The following DIDO1 variants were observed in gnomAD, a reference collection of about 807,000 sequenced individuals.
DIDO1 encodes the protein death inducer-obliterator 1.
Under a neutral mutation model 99.4 loss-of-function variants are expected in DIDO1, and 16 were observed. The observed-to-expected ratio is 0.16, with a 90% confidence interval of 0.11 to 0.24. The LOEUF is 0.24. DIDO1 is among the 10% of genes least tolerant of loss of function. The pLI, the probability that DIDO1 is intolerant of heterozygous loss-of-function variation, is 1.00. For synonymous variants in DIDO1, 1,366 were observed against 1,239.1 expected (o/e 1.10, Z -2.15); for missense variants, 2,996 against 3,014.0 (o/e 0.99, Z 0.14).
chr20:62,895,345 G>A (rs763667535), intron 8 of DIDO1, among the ~76,000 whole-genome samples, 180 bp from the exon 9 acceptor site: 15 of 152,186 alleles, frequency 9.9e-5, no homozygotes, highest in African/African-American at 1.9e-4. Flanking sequence ...CTCCCCAAAC[G>A]GCCTTATGAG....
intron 1 of DIDO1, among the ~76,000 whole-genome samples, chr20:62,920,046 G>A (rs776561758): frequency 1.3e-5 from 2 of 152,092 alleles, no homozygotes; most frequent in Non-Finnish European, 2.9e-5. Flanking sequence ...CTTAAGATAC[G>A]GTCCCAATTC....
chr20:62,899,537 G>A (rs1011980944), intron 6 of DIDO1, among the ~76,000 whole-genome samples: 1 of 152,242 alleles, frequency 6.6e-6, no homozygotes, highest in Admixed American at 6.5e-5. Context: ...TGAGAGATGA[G>A]TTTTAGGGCA....
In DIDO1 at chr20:62,881,816, C is replaced by G. The variant is rs146732987; in HGVS notation, c.4140G>C (p.Glu1380Asp). The G allele has an allele frequency of 3.7e-6, 6 of 1,613,508 alleles. No individual in the cohort carries two copies. The highest frequency in any genetic ancestry group is 1.3e-5 in the African/African-American group (1 of 75,030). The part of the protein sequence containing the change: ...FSKDKALEEE[E>D]DDRPYDPEEE... ...CCTCAGGGTCGTATGGCCTGTCGTC[C>G]TCCTCTTCCTCTAGAGCCTTATCTT... The change falls in exon 16 of 16, where the codon GAG becomes GAC. Residue 1380 changes from glutamate to aspartate, a missense_variant. This residue lies in a region of DIDO1 where 1,562 missense variants were observed against 1,412.6 expected (regional missense o/e 1.11). Coordinates refer to ENST00000395343, the MANE Select transcript of DIDO1 (RefSeq NM_001193369.2). The surrounding 1 kb of genome is among the most constrained non-coding windows in gnomAD (Gnocchi z 8.3).
At chr20:62,902,168 C>A (rs2064697692) in intron 6 of DIDO1, among the ~76,000 whole-genome samples, 2 of 152,210 alleles carry the variant, frequency 1.3e-5, no homozygotes, top group African/African-American at 4.8e-5. Flanking sequence ...TGATGTGGGA[C>A]TTCACCGTGC....
At chr20:62,923,734 A>G (rs930591784) in intron 1 of DIDO1, among the ~76,000 whole-genome samples, 5 of 152,188 alleles carry the variant, frequency 3.3e-5, no homozygotes, top group African/African-American at 1.2e-4. Flanking sequence ...AGGTATCTTC[A>G]TTTTGGAAAA....
intron 6 of DIDO1, among the ~76,000 whole-genome samples, chr20:62,900,997 T>C (rs1600964930): frequency 6.6e-6 from 1 of 152,248 alleles, no homozygotes; most frequent in Non-Finnish European, 1.5e-5. Flanking sequence ...CACTCCAAGA[T>C]TGCCCCTAGT....
chr20:62,894,738 T>G lies in DIDO1; in HGVS notation c.2436+72A>C. 6.6e-7 allele frequency: 1 copy of G among 1,519,700 alleles called. No homozygotes were observed. Among genetic ancestry groups the G allele is most frequent in the Non-Finnish European group, 8.9e-7 (1 of 1,119,182 alleles). The allele number at this position is 1,519,700 out of a possible 1,614,324, so 94.1% of individuals were successfully genotyped here. Reference sequence around the variant, plus strand: ...GTAAGCTCAGGTCCTGCCCAATAATTTAAGATAACCTCAAAACATTTGGGA... The same window carrying G: ...GTAAGCTCAGGTCCTGCCCAATAATGTAAGATAACCTCAAAACATTTGGGA... On this transcript the variant is annotated intron_variant, in intron 10 of 15. Coordinates refer to ENST00000395343, the MANE Select transcript of DIDO1 (RefSeq NM_001193369.2). The surrounding 1 kb of genome is among the most constrained non-coding windows in gnomAD (Gnocchi z 4.4).
chr20:62,899,537 G>C (rs1011980944), intron 6 of DIDO1, among the ~76,000 whole-genome samples: 8 of 152,242 alleles, frequency 5.3e-5, no homozygotes, highest in African/African-American at 1.9e-4. Context: ...TGAGAGATGA[G>C]TTTTAGGGCA....
At chr20:62,922,109 T>TAC (rs58178322) in intron 1 of DIDO1, among the ~76,000 whole-genome samples, 5,487 of 110,562 alleles carry the variant, frequency 0.05, 299 homozygotes, top group African/African-American at 0.15. Context: ...ACTATATATA[T>TAC]ACACACACAC....
intron 15 of DIDO1, chr20:62,887,986 C>T: frequency 3.0e-6 from 3 of 985,484 alleles, no homozygotes; most frequent in Non-Finnish European, 3.6e-6. Context: ...GGACAAATGT[C>T]CTCAGGGAGA....
In DIDO1 at chr20:62,881,896, C is replaced by G; in HGVS notation, c.4060G>C (p.Val1354Leu). ...GGATCTAACAACGGAGGTGCCGGCA[C>G]CCCGTCCTCTGCTGTGGTTTTGGGC... ...QEPKTTAEDG[V>L]PAPPLLDPIV... Residue 1354 changes from valine (V) to leucine (L), a missense_variant, in exon 16 of 16, where the codon GTG becomes CTG. This residue lies in a region of DIDO1 where 1,562 missense variants were observed against 1,412.6 expected (regional missense o/e 1.11). Coordinates refer to ENST00000395343, the MANE Select transcript of DIDO1 (RefSeq NM_001193369.2). This position sits in a 1 kb window ranked among gnomAD's most constrained non-coding sequence, Gnocchi z 8.3. The G allele has an allele frequency of 6.2e-7, 1 of 1,613,492 alleles. No homozygotes were observed. The highest frequency in any genetic ancestry group is 8.5e-7 in the Non-Finnish European group (1 of 1,180,036).
intron 6 of DIDO1, among the ~76,000 whole-genome samples, chr20:62,903,815 T>C (rs1451000668): frequency 1.3e-5 from 2 of 152,172 alleles, no homozygotes; most frequent in East Asian, 1.9e-4. Context: ...CTCCTGTCCC[T>C]GGAGCAAATC....
intron 5 of DIDO1, 45 bp downstream of exon 5, chr20:62,907,102 C>T (rs754114205): frequency 5.6e-6 from 9 of 1,599,152 alleles, no homozygotes; most frequent in East Asian, 4.5e-5. Flanking sequence ...AACGCTCTCA[C>T]GCCTGTGCGT....
chr20:62,935,940 G>T (rs2065378627), intron 1 of DIDO1, among the ~76,000 whole-genome samples: 1 of 152,246 alleles, frequency 6.6e-6, no homozygotes, highest in African/African-American at 2.4e-5. Flanking sequence ...TTCTAGAGAG[G>T]ATTAAGGAGG....
chr20:62,901,440 C>A (rs1431271483), intron 6 of DIDO1, among the ~76,000 whole-genome samples: 3 of 152,200 alleles, frequency 2.0e-5, no homozygotes, highest in Non-Finnish European at 4.4e-5. Flanking sequence ...GGCTGCCAAG[C>A]CCATTTGGGA....
chr20:62,922,738 G>C (rs957967904), intron 1 of DIDO1, among the ~76,000 whole-genome samples: 3 of 152,218 alleles, frequency 2.0e-5, no homozygotes, highest in Non-Finnish European at 2.9e-5. Context: ...TGCTGGCGAG[G>C]GCTTGGAGAG....
chr20:62,919,954 T>C (rs6011473), intron 1 of DIDO1, among the ~76,000 whole-genome samples: 34,958 of 152,248 alleles, frequency 0.23, 4,295 homozygotes, highest in East Asian at 0.34. Context: ...CTCTATTTAA[T>C]GGCTGGACAT....
chr20:62,904,780 C>CAAAAAAAAAAAAAAAAAAAAAAAAAAA (rs58039393), intron 6 of DIDO1, among the ~76,000 whole-genome samples: 1 of 62,624 alleles, frequency 1.6e-5, no homozygotes, highest in African/African-American at 5.7e-5. Context: ...ACTCTTGTCT[C>CAAAAAAAAAAAAAAAAAAAAAAAAAAA]AAAAAAAAAA....
intron 15 of DIDO1, chr20:62,889,703 G>A (rs1396211663): frequency 1.0e-5 from 10 of 985,290 alleles, no homozygotes; most frequent in Non-Finnish European, 1.1e-5. Flanking sequence ...GCAACACCAA[G>A]AACCTCTACC....
Sources: gnomAD v4.1 joint callset for allele counts (sites outside exome capture counted in the v4.1 genomes callset) on GRCh38, gnomAD v4.1.1 for gene constraint, gnomAD v4.1.1 regional missense constraint, Gnocchi (gnomAD v3.1) non-coding constraint, MANE v1.5 for transcripts, NCBI Gene and HGNC (gene_info 2026-07-23, HGNC 2026-07-21) for gene names.